CORO2B: variants seen among roughly 807,000 people sequenced by gnomAD.
CORO2B encodes the protein coronin 2B.
Under a neutral mutation model 58.8 loss-of-function variants are expected in CORO2B, and 26 were observed. That is an observed-to-expected ratio of 0.44 (90% CI 0.32 to 0.61). The LOEUF is 0.61. Among genes scored for constraint, CORO2B ranks in the 20% least tolerant of loss-of-function variants. The probability of loss-of-function intolerance (pLI) is 0.04; values close to 1 mark genes in which losing one functional copy is unlikely to be tolerated. For missense variants in CORO2B, 460 were observed against 645.1 expected, an observed-to-expected ratio of 0.71 and a Z score of 3.11; for synonymous variants, 242 against 253.8, an observed-to-expected ratio of 0.95 and a Z score of 0.44.
At chr15:68,585,119 C>G (rs1197368652) in intron 1 of CORO2B, among the ~76,000 whole-genome samples, 2 of 152,170 alleles carry the variant, frequency 1.3e-5, no homozygotes, top group Non-Finnish European at 2.9e-5. Flanking sequence ...CAGGTTTGCT[C>G]AGGCTGTCTT....
At chr15:68,642,098 G>A (rs1035093094) in intron 1 of CORO2B, among the ~76,000 whole-genome samples, 3 of 148,088 alleles carry the variant, frequency 2.0e-5, no homozygotes, top group East Asian at 2.0e-4. Context: ...GTGCAGTGGC[G>A]CGATCTCGGC....
intron 1 of CORO2B, among the ~76,000 whole-genome samples, chr15:68,602,519 A>G (rs1445099310): frequency 2.0e-5 from 3 of 152,082 alleles, no homozygotes; most frequent in African/African-American, 7.2e-5. Flanking sequence ...GATGAGCAAA[A>G]AGCGCTCTTG....
rs1892572779 is a variant in CORO2B at position 68,698,753 on chromosome 15, G to A, written c.333+3497G>A. ...AACAGTAAGATACCTCCCTTTGGCT[G>A]TTGTGATGAGGATGAAGGTTAGCCT... On this transcript the variant is annotated intron_variant, in intron 3 of 11. Coordinates refer to ENST00000261861, the MANE Select transcript of CORO2B (RefSeq NM_006091.5). Among the ~76,000 whole-genome samples the A allele has an allele frequency of 2.0e-5, 3 of 152,150 alleles. No individual in the cohort carries two copies. In the South Asian group the frequency reaches 6.2e-4, roughly 32 times the overall value.
chr15:68,579,273 C>G lies in CORO2B; in HGVS notation c.11C>G (p.Thr4Arg). Residue 4 changes from threonine to arginine, a missense_variant, in exon 1 of 12, where the codon ACA (threonine) becomes AGA (arginine). Physicochemically the swap from Thr to Arg is moderately conservative, Grantham distance 71. Around this residue, in one of 2 missense-constraint regions of CORO2B, gnomAD observed 352 missense variants for 543.0 expected, o/e 0.65. Transcript: ENST00000261861. ...CCGCGGAGTTTCTGCATGACTGTCA[C>G]AAAGGTAAGCGCCGCTCGCCCGCCG... The part of the protein sequence containing the change: MTV[T>R]KMSWRPQYRS... 7.8e-7 allele frequency: 1 copy of G among 1,282,240 alleles called. No homozygotes were observed. Among genetic ancestry groups the G allele is most frequent in the African/African-American group, 1.6e-5 (1 of 64,254 alleles). The allele number at this position is 1,282,240 out of a possible 1,614,324, so 79.4% of individuals were successfully genotyped here. A position where few individuals can be genotyped will look rare whatever the true frequency, so the allele number is the denominator to read the frequency against.
the CORO2B span, among the ~76,000 whole-genome samples, chr15:68,549,006 TTTCAGAAA>T: frequency 6.6e-6 from 1 of 152,374 alleles, no homozygotes. Context: ...TTATGTTTTG[TTTCAGAAA>T]TTCTTTCTCC....
chr15:68,606,000 A>G (rs924705752), intron 1 of CORO2B, among the ~76,000 whole-genome samples: 36 of 152,082 alleles, frequency 2.4e-4, no homozygotes, highest in African/African-American at 8.2e-4. Context: ...CTGGGATTAT[A>G]GCAGTGAGCC....
At chr15:68,593,007 T>G (rs728402) in intron 1 of CORO2B, among the ~76,000 whole-genome samples, 127,079 of 152,212 alleles carry the variant, frequency 0.83, 53,293 homozygotes, top group Middle Eastern at 0.92. Flanking sequence ...CCAAGAGCAT[T>G]GCACCAGCAT....
intron 2 of CORO2B, among the ~76,000 whole-genome samples, chr15:68,694,111 C>T (rs1892452611): frequency 6.6e-6 from 1 of 152,146 alleles, no homozygotes; most frequent in Non-Finnish European, 1.5e-5. Context: ...GCTGGGATTA[C>T]AGGTGTGAGC....
intron 11 of CORO2B, among the ~76,000 whole-genome samples, chr15:68,720,318 A>T (rs554354590): frequency 6.6e-6 from 1 of 152,330 alleles, no homozygotes; most frequent in African/African-American, 2.4e-5. Context: ...GATAATTCAT[A>T]AGTGTCTAGC....
chr15:68,685,214 T>C (rs1221658024), intron 2 of CORO2B, among the ~76,000 whole-genome samples: 1 of 152,182 alleles, frequency 6.6e-6, no homozygotes, highest in African/African-American at 2.4e-5. Flanking sequence ...ATGATAATGT[T>C]CTTAATTTTG....
intron 1 of CORO2B, among the ~76,000 whole-genome samples, chr15:68,594,485 C>A (rs908772712): frequency 5.9e-5 from 9 of 152,216 alleles, no homozygotes; most frequent in Admixed American, 2.0e-4. Context: ...TCTCCCATGG[C>A]CTGGTGAACA....
chr15:68,631,061 C>A (rs190283620), intron 1 of CORO2B, among the ~76,000 whole-genome samples: 1 of 152,054 alleles, frequency 6.6e-6, no homozygotes, highest in Non-Finnish European at 1.5e-5. Flanking sequence ...TGGTGCAGGG[C>A]GGTTGGGGGT....
At position 68,669,255 on chromosome 15, in the gene CORO2B, G is replaced by A. The variant is rs187973296; in HGVS notation, c.216+23895G>A. ...TTGAGAAGCAGGGAGCCCTGTTCAC[G>A]CCCAGACCATGGCCTGTTCACTGTG... On this transcript the variant is annotated intron_variant, in intron 2 of 11. Transcript: ENST00000261861. Among the ~76,000 whole-genome samples the A allele has an allele frequency of 1.2e-4, 18 of 152,324 alleles. 1 individual carries two copies. The highest frequency in any genetic ancestry group is 4.3e-4 in the African/African-American group (18 of 41,576).
At chr15:68,592,104 T>G (rs1288128208) in intron 1 of CORO2B, among the ~76,000 whole-genome samples, 1 of 152,158 alleles carries the variant, frequency 6.6e-6, no homozygotes, top group Non-Finnish European at 1.5e-5. Flanking sequence ...CTGCAGCCAG[T>G]GTGTCTCCTT....
chr15:68,722,042 T>C (rs1893174113), intron 11 of CORO2B, among the ~76,000 whole-genome samples: 1 of 152,188 alleles, frequency 6.6e-6, no homozygotes, highest in Non-Finnish European at 1.5e-5. Flanking sequence ...CATGAGACAC[T>C]GCGCCCAGCT....
intron 2 of CORO2B, among the ~76,000 whole-genome samples, chr15:68,682,983 G>A (rs1041141962): frequency 7.2e-5 from 11 of 152,322 alleles, no homozygotes; most frequent in African/African-American, 2.4e-4. Flanking sequence ...GCCAAATGGC[G>A]AACAGAAGGA....
chr15:68,692,054 A>G (rs1892391334), intron 2 of CORO2B, among the ~76,000 whole-genome samples: 1 of 152,204 alleles, frequency 6.6e-6, no homozygotes, highest in Non-Finnish European at 1.5e-5. Flanking sequence ...GAAAAGTCTG[A>G]GCTGCAGGAG....
rs911666443 is a variant in CORO2B, at chr15:68,645,237, C to T, written c.93C>T (p.Phe31=). The change falls in exon 2 of 12, where the codon TTC becomes TTT. Residue 31 remains phenylalanine (F), a synonymous_variant. Transcript: ENST00000261861. The surrounding 1 kb of genome is among the most constrained non-coding windows in gnomAD (Gnocchi z 4.5). ...AGGTGGCCAACCGGGAGCACTGCTT[C>T]GATGGGATCCCCATCACCAAGAATG... is the stretch of plus-strand genomic sequence containing the variant. ...YGKVANREHC[F]DGIPITKNVH... 2.5e-6 allele frequency: 4 copies of T among 1,614,064 alleles called. No homozygotes were observed. Among genetic ancestry groups the T allele is most frequent in the African/African-American group, 1.3e-5 (1 of 74,942 alleles).
At chr15:68,619,059 C>G (rs1900443383) in intron 1 of CORO2B, among the ~76,000 whole-genome samples, 1 of 152,060 alleles carries the variant, frequency 6.6e-6, no homozygotes, top group Non-Finnish European at 1.5e-5. Context: ...GTCAGCAGCC[C>G]CAGATACAAT....
Sources: allele counts gnomAD v4.1 joint callset (sites outside exome capture counted in the v4.1 genomes callset), GRCh38; gene constraint gnomAD v4.1.1; regional missense constraint gnomAD v4.1.1; non-coding constraint Gnocchi (gnomAD v3.1); transcripts MANE v1.5; gene names NCBI Gene and HGNC (gene_info 2026-07-23, HGNC 2026-07-21).